Variants in APOE observed in about 807,000 individuals in gnomAD.
APOE encodes the protein apolipoprotein E3.
In APOE, 10 loss-of-function variants were observed where a neutral mutation model predicts 13.1. That is an observed-to-expected ratio of 0.76 (90% CI 0.47 to 1.29). The LOEUF is 1.29. Among genes scored for constraint, APOE ranks in the 50% most tolerant of loss-of-function variants. APOE has a pLI of 0.00. For synonymous variants in APOE, 211 were observed against 207.1 expected (o/e 1.02, Z -0.16); for missense variants, 471 against 459.6 (o/e 1.02, Z -0.23).
chr19:44,907,908 G>A lies in APOE; in HGVS notation c.192G>A (p.Gln64=), dbSNP rs370594287. The change falls in exon 3 of 4, where the codon CAG becomes CAA. Residue 64 remains glutamine (Q), a synonymous_variant. Coordinates refer to ENST00000252486, the MANE Select transcript of APOE (RefSeq NM_000041.4). The surrounding 1 kb of genome is among the most constrained non-coding windows in gnomAD (Gnocchi z 4.1). Reference sequence around the variant, plus strand: ...GCTGGGTGCAGACACTGTCTGAGCAGGTGCAGGAGGAGCTGCTCAGCTCCC... The same window carrying A: ...GCTGGGTGCAGACACTGTCTGAGCAAGTGCAGGAGGAGCTGCTCAGCTCCC... The part of the protein sequence containing the change: ...YLRWVQTLSE[Q]VQEELLSSQV... 3 of 1,613,974 alleles carry A rather than the reference G, an allele frequency of 1.9e-6. No homozygotes were observed. Among genetic ancestry groups the A allele is most frequent in the East Asian group, 4.5e-5 (2 of 44,872 alleles).
Position 44,908,960 on chromosome 19 carries a change from C to T in APOE, c.664C>T (p.Gln222Ter), listed in dbSNP as rs1181840153. ...TVGSLAGQPL[Q>*]ERAQAWGERL... ...GGGCTCCCTGGCCGGCCAGCCGCTA[C>T]AGGAGCGGGCCCAGGCCTGGGGCGA... Residue 222 changes from glutamine to a stop codon, truncating the protein, a stop_gained, in exon 4 of 4, where the codon CAG becomes TAG. Transcript: ENST00000252486. LOFTEE classifies it low-confidence loss of function (END_TRUNC). 2 of 1,527,496 alleles carry T rather than the reference C, an allele frequency of 1.3e-6. No individual in the cohort carries two copies. Among genetic ancestry groups the T allele is most frequent in the East Asian group, 4.9e-5 (2 of 40,512 alleles). 94.6% of individuals were successfully genotyped at this position (1,527,496 alleles called of 1,614,324 possible). A position where few individuals can be genotyped will look rare whatever the true frequency, so the allele number is the denominator to read the frequency against.
chr19:44,905,810 C>T lies in APOE; in HGVS notation c.-55C>T, dbSNP rs1188176408. Reference sequence around the variant, plus strand: ...ATCCTTGAGTCCTACTCAGCCCCAGCGGAGGTGAAGGACGTCCTTCCCCAG... The same window carrying T: ...ATCCTTGAGTCCTACTCAGCCCCAGTGGAGGTGAAGGACGTCCTTCCCCAG... On this transcript the variant is annotated 5_prime_UTR_variant, in exon 1 of 4. Transcript: ENST00000252486. 1.6e-6 allele frequency: 2 copies of T among 1,272,272 alleles called. No individual in the cohort carries two copies. Among genetic ancestry groups the T allele is most frequent in the Non-Finnish European group, 2.1e-6 (2 of 963,116 alleles). 78.8% of individuals were successfully genotyped at this position (1,272,272 alleles called of 1,614,324 possible). A position where few individuals can be genotyped will look rare whatever the true frequency, so the allele number is the denominator to read the frequency against.
rs554251788 is a variant in APOE at position 44,908,993 on chromosome 19, C to T, written c.697C>T (p.Arg233Cys). ...GGCCCAGGCCTGGGGCGAGCGGCTG[C>T]GCGCGCGGATGGAGGAGATGGGCAG... is the stretch of plus-strand genomic sequence containing the variant. Reference protein sequence around the residue: ...ERAQAWGERLRARMEEMGSRT... With the variant: ...ERAQAWGERLCARMEEMGSRT... Residue 233 changes from arginine to cysteine, a missense_variant, in exon 4 of 4, where the codon CGC becomes TGC. Physicochemically the swap from Arg to Cys is radical, Grantham distance 180. Coordinates refer to ENST00000252486, the MANE Select transcript of APOE (RefSeq NM_000041.4). 1 of 1,533,440 alleles carries T rather than the reference C, an allele frequency of 6.5e-7. No individual in the cohort carries two copies. The highest frequency in any genetic ancestry group is 8.7e-7 in the Non-Finnish European group (1 of 1,145,704). The allele number at this position is 1,533,440 out of a possible 1,614,324, so 95.0% of individuals were successfully genotyped here.
chr19:44,909,172 C>T lies in APOE; in HGVS notation c.876C>T (p.Arg292=). The change falls in exon 4 of 4, where the codon CGC becomes CGT. Residue 292 remains arginine, a synonymous_variant. Transcript: ENST00000252486. The stretch of plus-strand genomic sequence containing the variant: ...AGCCCCTGGTGGAAGACATGCAGCG[C>T]CAGTGGGCCGGGCTGGTGGAGAAGG... ...WFEPLVEDMQ[R]QWAGLVEKVQ... is the part of the protein sequence containing the mutation. 6.2e-7 allele frequency: 1 copy of T among 1,600,356 alleles called. No individual in the cohort carries two copies. The highest frequency in any genetic ancestry group is 8.5e-7 in the Non-Finnish European group (1 of 1,178,950).
At position 44,907,922 on chromosome 19, in the gene APOE, T is replaced by A. The variant is rs768780599; in HGVS notation, c.206T>A (p.Leu69Gln). Residue 69 changes from leucine (L) to glutamine (Q), a missense_variant, in exon 3 of 4, where the codon CTG (leucine) becomes CAG (glutamine). Transcript: ENST00000252486. This position sits in a 1 kb window ranked among gnomAD's most constrained non-coding sequence, Gnocchi z 4.1. The stretch of plus-strand genomic sequence containing the variant: ...CTGTCTGAGCAGGTGCAGGAGGAGC[T>A]GCTCAGCTCCCAGGTCACCCAGGAA... ...QTLSEQVQEELLSSQVTQELR... is the reference protein window; with the variant it reads ...QTLSEQVQEEQLSSQVTQELR... 6.2e-7 allele frequency: 1 copy of A among 1,613,760 alleles called. No individual in the cohort carries two copies. The highest frequency in any genetic ancestry group is 1.1e-5 in the South Asian group (1 of 91,068).
chr19:44,906,508 T>C (rs577113356), intron 1 of APOE, 94 bp from the exon 2 acceptor site: 2 of 1,351,906 alleles, frequency 1.5e-6, no homozygotes, highest in African/African-American at 2.9e-5. Context: ...CAACAAGGCT[T>C]GGAAGGCTAA....
intron 3 of APOE, among the ~76,000 whole-genome samples, chr19:44,908,176 G>A (rs952830931): frequency 2.6e-5 from 4 of 152,066 alleles, no homozygotes; most frequent in South Asian, 4.1e-4. Context: ...CACTCGTCCT[G>A]GCTCTGTCTC....
At position 44,906,760 on chromosome 19, in the gene APOE, C is replaced by T. The variant is rs1158457359; in HGVS notation, c.43+93C>T. 33 of 1,321,950 alleles carry T rather than the reference C, an allele frequency of 2.5e-5. No individual in the cohort carries two copies. The South Asian group carries it at 3.2e-4, about 13-fold the overall frequency. 81.9% of individuals were successfully genotyped at this position (1,321,950 alleles called of 1,614,324 possible). A position where few individuals can be genotyped will look rare whatever the true frequency, so the allele number is the denominator to read the frequency against. On this transcript the variant is annotated intron_variant, in intron 2 of 3. Coordinates refer to ENST00000252486, the MANE Select transcript of APOE (RefSeq NM_000041.4). ...CCCCATTCAGGCAGACCCTGGGCCC[C>T]CTCTTCTGAGGCTTCTGTGCTGCTT...
Position 44,909,303 on chromosome 19 carries a change from C to G in APOE, c.*53C>G. On this transcript the variant is annotated 3_prime_UTR_variant, in exon 4 of 4. Coordinates refer to ENST00000252486, the MANE Select transcript of APOE (RefSeq NM_000041.4). ...CACGCCACCCCGTGCCTCCTGCCTC[C>G]GCGCAGCCTGCAGCGGGAGACCCTG... The G allele has an allele frequency of 6.5e-7, 1 of 1,540,654 alleles. No homozygotes were observed. The highest frequency in any genetic ancestry group is 2.2e-5 in the East Asian group (1 of 44,482).
At chr19:44,908,400 CCTT>C (rs1489988629) in intron 3 of APOE, 130 bp from the exon 4 acceptor site, 5 of 889,088 alleles carry the variant, frequency 5.6e-6, no homozygotes, top group East Asian at 2.6e-5. Flanking sequence ...GTCTCTGTCT[CCTT>C]CTCTCGGCCT....
intron 1 of APOE, 86 bp from the exon 2 acceptor site, chr19:44,906,516 T>C: frequency 6.9e-7 from 1 of 1,448,914 alleles, no homozygotes; most frequent in Non-Finnish European, 9.7e-7. Context: ...CTTGGAAGGC[T>C]AACCTGGGGT....
chr19:44,906,711 C>G (rs756885680), intron 2 of APOE, 44 bp downstream of exon 2: 21 of 1,596,036 alleles, frequency 1.3e-5, no homozygotes, highest in Admixed American at 5.0e-5. Context: ...TCCTCCCCCT[C>G]TCATCCTCAC....
rs530010303 is a variant in APOE, at chr19:44,908,999, C to T, written c.703C>T (p.Arg235Trp). 84 of 1,534,768 alleles carry T rather than the reference C, an allele frequency of 5.5e-5. No individual in the cohort carries two copies. Among genetic ancestry groups the T allele is most frequent in the Non-Finnish European group, 6.9e-5 (79 of 1,146,190 alleles). ...GGCCTGGGGCGAGCGGCTGCGCGCG[C>T]GGATGGAGGAGATGGGCAGCCGGAC... ...AQAWGERLRA[R>W]MEEMGSRTRD... The change falls in exon 4 of 4, where the codon CGG becomes TGG. Residue 235 changes from arginine to tryptophan, a missense_variant. Arg to Trp is a moderately radical substitution (Grantham distance 101). Coordinates refer to ENST00000252486, the MANE Select transcript of APOE (RefSeq NM_000041.4).
Position 44,907,334 on chromosome 19 carries a change from C to T in APOE, c.44-426C>T. On this transcript the variant is annotated intron_variant, in intron 2 of 3. Transcript: ENST00000252486. The surrounding 1 kb of genome is among the most constrained non-coding windows in gnomAD (Gnocchi z 4.1). ...CTTTTCCGCTGGGCGCGGTGGCTCA[C>T]CCCTGTAATCCCAGCACTTTGGGAG... 3.5e-6 allele frequency: 1 copy of T among 288,618 alleles called. No homozygotes were observed. Among genetic ancestry groups the T allele is most frequent in the South Asian group, 3.5e-5 (1 of 28,210 alleles). The allele number at this position is 288,618 out of a possible 1,614,324, so 17.9% of individuals were successfully genotyped here. A position where few individuals can be genotyped will look rare whatever the true frequency, so the allele number is the denominator to read the frequency against.
In APOE at chr19:44,909,149, C is replaced by A. The variant is rs1325189389; in HGVS notation, c.853C>A (p.Pro285Thr). The A allele has an allele frequency of 1.2e-6, 2 of 1,601,402 alleles. No homozygotes were observed. Among genetic ancestry groups the A allele is most frequent in the Non-Finnish European group, 1.7e-6 (2 of 1,178,818 alleles). ...GGCCCGCCTCAAGAGCTGGTTCGAGCCCCTGGTGGAAGACATGCAGCGCCA... is the reference window on the plus strand; with the variant it reads ...GGCCCGCCTCAAGAGCTGGTTCGAGACCCTGGTGGAAGACATGCAGCGCCA... Reference protein sequence around the residue: ...FQARLKSWFEPLVEDMQRQWA... With the variant: ...FQARLKSWFETLVEDMQRQWA... Residue 285 changes from proline (P) to threonine (T), a missense_variant, in exon 4 of 4, where the codon CCC becomes ACC. Physicochemically the swap from Pro to Thr is conservative, Grantham distance 38. Coordinates refer to ENST00000252486, the MANE Select transcript of APOE (RefSeq NM_000041.4).
At position 44,908,591 on chromosome 19, in the gene APOE, C is replaced by A. The variant is rs1180612218; in HGVS notation, c.295C>A (p.Gln99Lys). The change falls in exon 4 of 4, where the codon CAA becomes AAA. Residue 99 changes from glutamine (Q) to lysine (K), a missense_variant. By Grantham distance (53) the Gln-to-Lys change is moderately conservative. Coordinates refer to ENST00000252486, the MANE Select transcript of APOE (RefSeq NM_000041.4). The stretch of plus-strand genomic sequence containing the variant: ...GGCCTACAAATCGGAACTGGAGGAA[C>A]AACTGACCCCGGTGGCGGAGGAGAC... The part of the protein sequence containing the change: ...LKAYKSELEE[Q>K]LTPVAEETRA... The A allele has an allele frequency of 6.8e-6, 11 of 1,613,480 alleles. No individual in the cohort carries two copies. Among genetic ancestry groups the A allele is most frequent in the African/African-American group, 1.3e-5 (1 of 75,032 alleles).
chr19:44,909,347 T>A lies in APOE; in HGVS notation c.*97T>A. Reference sequence around the variant, plus strand: ...GACCCTGTCCCCGCCCCAGCCGTCCTCCTGGGGTGGACCCTAGTTTAATAA... The same window carrying A: ...GACCCTGTCCCCGCCCCAGCCGTCCACCTGGGGTGGACCCTAGTTTAATAA... On this transcript the variant is annotated 3_prime_UTR_variant, in exon 4 of 4. Coordinates refer to ENST00000252486, the MANE Select transcript of APOE (RefSeq NM_000041.4). 8.7e-7 allele frequency: 1 copy of A among 1,143,172 alleles called. No homozygotes were observed. The highest frequency in any genetic ancestry group is 1.3e-6 in the Non-Finnish European group (1 of 780,410). The allele number at this position is 1,143,172 out of a possible 1,614,324, so 70.8% of individuals were successfully genotyped here.
At position 44,907,987 on chromosome 19, in the gene APOE, G is replaced by C. The variant is rs1486006050; in HGVS notation, c.236+35G>C. The C allele has an allele frequency of 6.2e-7, 1 of 1,602,460 alleles. No homozygotes were observed. The highest frequency in any genetic ancestry group is 8.5e-7 in the Non-Finnish European group (1 of 1,174,560). ...CCCATCCTGGCCCTTGACCCTCCTG[G>C]TGGGCGGCTATACCTCCCCAGGTCC... On this transcript the variant is annotated intron_variant, in intron 3 of 3. Coordinates refer to ENST00000252486, the MANE Select transcript of APOE (RefSeq NM_000041.4). The surrounding 1 kb of genome is among the most constrained non-coding windows in gnomAD (Gnocchi z 4.1).
Position 44,908,914 on chromosome 19 carries a change from C to A in APOE, c.618C>A (p.Gly206=), listed in dbSNP as rs1456850869. The change falls in exon 4 of 4, where the codon GGC becomes GGA. Residue 206 remains glycine, a synonymous_variant. Coordinates refer to ENST00000252486, the MANE Select transcript of APOE (RefSeq NM_000041.4). ...RERLGPLVEQ[G]RVRAATVGSL... ...GCCTGGGGCCCCTGGTGGAACAGGG[C>A]CGCGTGCGGGCCGCCACTGTGGGCT... is the stretch of plus-strand genomic sequence containing the variant. 4 of 1,469,270 alleles carry A rather than the reference C, an allele frequency of 2.7e-6. No individual in the cohort carries two copies. The East Asian group carries it at 1.0e-4, about 39-fold the overall frequency. The allele number at this position is 1,469,270 out of a possible 1,614,324, so 91.0% of individuals were successfully genotyped here.
Sources: allele counts gnomAD v4.1 joint callset (sites outside exome capture counted in the v4.1 genomes callset), GRCh38; gene constraint gnomAD v4.1.1; non-coding constraint Gnocchi (gnomAD v3.1); transcripts MANE v1.5; gene names NCBI Gene and HGNC (gene_info 2026-07-23, HGNC 2026-07-21).